RAB8B: variants seen among roughly 807,000 people sequenced by gnomAD.
The protein encoded by RAB8B is RAB8B, member RAS oncogene family.
In RAB8B, 11 loss-of-function variants were observed where a neutral mutation model predicts 32.0. The ratio of observed to expected loss-of-function variants is 0.34; its 90% CI spans 0.22 to 0.57. RAB8B has a LOEUF of 0.57. Among genes scored for constraint, RAB8B ranks in the 20% least tolerant of loss-of-function variants. RAB8B has a pLI of 0.86. For synonymous variants in RAB8B, 103 were observed against 89.6 expected (o/e 1.15, Z -0.85); for missense variants, 190 against 258.5 (o/e 0.73, Z 1.82).
chr15:63,234,272 CT>C (rs1224609497), intron 1 of RAB8B, among the ~76,000 whole-genome samples: 1 of 152,226 alleles, frequency 6.6e-6, no homozygotes, highest in South Asian at 2.1e-4. Context: ...GAAAACTACT[CT>C]TTCCCACACT....
At chr15:63,262,133 A>G (rs1043822061) in intron 6 of RAB8B, among the ~76,000 whole-genome samples, 1 of 152,192 alleles carries the variant, frequency 6.6e-6, no homozygotes, top group African/African-American at 2.4e-5. Flanking sequence ...ATAGGGTAAT[A>G]CATAATTATT....
chr15:63,207,342 C>T (rs1039186382), intron 1 of RAB8B, among the ~76,000 whole-genome samples: 1 of 152,146 alleles, frequency 6.6e-6, no homozygotes, highest in Non-Finnish European at 1.5e-5. Flanking sequence ...TAAGCTTGCC[C>T]CCTTCCATGT....
chr15:63,237,811 T>C (rs1394186753), intron 1 of RAB8B, among the ~76,000 whole-genome samples: 1 of 152,186 alleles, frequency 6.6e-6, no homozygotes, highest in Non-Finnish European at 1.5e-5. Flanking sequence ...ATTTGCCCAA[T>C]CCAATGTCCT....
At chr15:63,253,385 G>A (rs1191117201) in intron 3 of RAB8B, among the ~76,000 whole-genome samples, 1 of 152,166 alleles carries the variant, frequency 6.6e-6, no homozygotes, top group East Asian at 1.9e-4. Flanking sequence ...TTGGAAGCCA[G>A]ACCTGGAAGG....
intron 1 of RAB8B, among the ~76,000 whole-genome samples, chr15:63,205,215 G>A (rs1020709796): frequency 5.9e-5 from 9 of 152,194 alleles, no homozygotes; most frequent in South Asian, 4.1e-4. Context: ...CGGGAGAATC[G>A]CTTGAACCCA....
chr15:63,215,231 G>T (rs1455442988), intron 1 of RAB8B, among the ~76,000 whole-genome samples: 1 of 152,158 alleles, frequency 6.6e-6, no homozygotes, highest in African/African-American at 2.4e-5. Context: ...ATCGTGAAAT[G>T]TGAGTACTTT....
intron 1 of RAB8B, among the ~76,000 whole-genome samples, chr15:63,217,594 C>T (rs1297901146): frequency 2.0e-5 from 3 of 152,038 alleles, no homozygotes; most frequent in Non-Finnish European, 2.9e-5. Flanking sequence ...GAGTGTTTTC[C>T]CCAAGCTTGA....
chr15:63,247,691 A>C (rs1364451291), intron 2 of RAB8B, among the ~76,000 whole-genome samples: 3 of 152,232 alleles, frequency 2.0e-5, no homozygotes, highest in Non-Finnish European at 4.4e-5. Flanking sequence ...CTAAAGAGTA[A>C]AGTTATACAT....
At chr15:63,190,713 A>G (rs921278230) in intron 1 of RAB8B, among the ~76,000 whole-genome samples, 6 of 152,192 alleles carry the variant, frequency 3.9e-5, no homozygotes, top group African/African-American at 1.4e-4. Context: ...TCAGGAAAAT[A>G]TGGTTCACCT....
intron 1 of RAB8B, among the ~76,000 whole-genome samples, chr15:63,194,209 A>G (rs1425988120): frequency 6.6e-6 from 1 of 152,190 alleles, no homozygotes; most frequent in Non-Finnish European, 1.5e-5. Context: ...TAAAAAAAAA[A>G]TGAAGGTTTA....
At chr15:63,249,455 G>C (rs192262876) in intron 2 of RAB8B, among the ~76,000 whole-genome samples, 190 bp from the exon 3 acceptor site, 5 of 152,190 alleles carry the variant, frequency 3.3e-5, no homozygotes, top group African/African-American at 1.2e-4. Context: ...GTGAGCTCTT[G>C]ACAGGCTCCT....
intron 1 of RAB8B, among the ~76,000 whole-genome samples, chr15:63,204,226 CT>C (rs1424695330): frequency 6.6e-6 from 1 of 152,108 alleles, no homozygotes; most frequent in African/African-American, 2.4e-5. Context: ...AAATTTAGGA[CT>C]ACGTGCATTT....
At chr15:63,249,590 C>T in intron 2 of RAB8B, 55 bp from the exon 3 acceptor site, 1 of 1,531,250 alleles carries the variant, frequency 6.5e-7, no homozygotes. Context: ...AGGGTTTCTC[C>T]TCAGTGATGC....
rs2038238644 is a variant in RAB8B at position 63,265,405 on chromosome 15, C to T, written c.*1786C>T. 6.6e-6 allele frequency: 1 copy of T among 151,278 alleles called. No homozygotes were observed. Among genetic ancestry groups the T allele is most frequent in the South Asian group, 2.1e-4 (1 of 4,812 alleles). The allele number at this position is 151,278 out of a possible 1,614,324, so 9.4% of individuals were successfully genotyped here. A position where few individuals can be genotyped will look rare whatever the true frequency, so the allele number is the denominator to read the frequency against. On this transcript the variant is annotated 3_prime_UTR_variant, in exon 8 of 8. Transcript: ENST00000321437. This position sits in a 1 kb window ranked among gnomAD's most constrained non-coding sequence, Gnocchi z 4.9. The stretch of plus-strand genomic sequence containing the variant: ...TTTTTTTTTGGTAATTACCTATAGG[C>T]TTAAAAGTCATTCGTTGCTGTTCTA...
rs201136553 is a variant in RAB8B at position 63,216,035 on chromosome 15, CA to C, written c.124+26295del. On this transcript the variant is annotated intron_variant, in intron 1 of 7. Coordinates refer to ENST00000321437, the MANE Select transcript of RAB8B (RefSeq NM_016530.3). Reference sequence around the variant, plus strand: ...TCTGGGCAGCAGAATGAGACCGTCTCAAAAAAAAGAAAAATTAAAGAAAATT... The same window carrying C: ...TCTGGGCAGCAGAATGAGACCGTCTCAAAAAAAGAAAAATTAAAGAAAATT... 4.7e-5 allele frequency among the ~76,000 whole-genome samples: 7 copies of C among 150,520 alleles called. No homozygotes were observed. In the East Asian group the frequency reaches 1.4e-3, roughly 29 times the overall value.
chr15:63,196,042 T>G (rs1159911935), intron 1 of RAB8B, among the ~76,000 whole-genome samples: 4 of 152,232 alleles, frequency 2.6e-5, no homozygotes, highest in Non-Finnish European at 4.4e-5. Flanking sequence ...ATTCCCTCTC[T>G]TAGGGCGTGG....
chr15:63,228,309 C>A (rs1295344700), intron 1 of RAB8B, among the ~76,000 whole-genome samples: 1 of 152,200 alleles, frequency 6.6e-6, no homozygotes, highest in Non-Finnish European at 1.5e-5. Flanking sequence ...AGCTACCGAA[C>A]CCTGCCCCAG....
chr15:63,232,957 AT>A (rs2037947488), intron 1 of RAB8B, among the ~76,000 whole-genome samples: 1 of 152,154 alleles, frequency 6.6e-6, no homozygotes, highest in Non-Finnish European at 1.5e-5. Flanking sequence ...ATCCAGCAAA[AT>A]AACTTATACT....
intron 1 of RAB8B, among the ~76,000 whole-genome samples, chr15:63,236,687 A>C (rs1204478185): frequency 6.6e-6 from 1 of 152,226 alleles, no homozygotes; most frequent in East Asian, 1.9e-4. Flanking sequence ...CAGGCATGCA[A>C]TGAGTAATAA....
Sources: gnomAD v4.1 joint callset for allele counts (sites outside exome capture counted in the v4.1 genomes callset) on GRCh38, gnomAD v4.1.1 for gene constraint, Gnocchi (gnomAD v3.1) non-coding constraint, MANE v1.5 for transcripts, NCBI Gene and HGNC (gene_info 2026-07-23, HGNC 2026-07-21) for gene names.